Variants in SERGEF observed in about 807,000 individuals in gnomAD.
SERGEF encodes secretion-regulating guanine nucleotide exchange factor.
A neutral mutation model predicts 50.0 loss-of-function variants in SERGEF; 51 were observed. The ratio of observed to expected loss-of-function variants is 1.02; its 90% CI spans 0.81 to 1.29. The LOEUF is 1.29. Ranked by LOEUF, SERGEF falls within the 50% of genes most tolerant of loss-of-function variation. SERGEF has a pLI of 0.00. For synonymous variants in SERGEF, 205 were observed against 212.4 expected (o/e 0.97, Z 0.30); for missense variants, 521 against 557.0 (o/e 0.94, Z 0.65).
intron 9 of SERGEF, among the ~76,000 whole-genome samples, chr11:17,936,240 G>T (rs1025263863): frequency 2.6e-5 from 4 of 152,192 alleles, no homozygotes; most frequent in African/African-American, 9.6e-5. Flanking sequence ...AAAAGAATTA[G>T]AAGTGAGGAC....
chr11:17,940,715 G>A (rs1023362073), intron 9 of SERGEF, among the ~76,000 whole-genome samples: 4 of 151,868 alleles, frequency 2.6e-5, no homozygotes, highest in African/African-American at 4.8e-5. Flanking sequence ...CTGAGACCAC[G>A]GGGACACGCC....
chr11:17,939,294 T>A (rs746749396), intron 9 of SERGEF, among the ~76,000 whole-genome samples: 10 of 152,180 alleles, frequency 6.6e-5, no homozygotes, highest in Non-Finnish European at 1.3e-4. Context: ...CCTGGAAACA[T>A]AAGTTATTTG....
At chr11:17,976,639 G>T (rs542625684) in intron 8 of SERGEF, among the ~76,000 whole-genome samples, 6 of 152,088 alleles carry the variant, frequency 3.9e-5, no homozygotes, top group African/African-American at 1.4e-4. Context: ...GATAGGCAAG[G>T]TCCCCTGAGA....
At chr11:17,995,997 T>C in intron 5 of SERGEF, 88 bp from the exon 6 acceptor site, 1 of 887,164 alleles carries the variant, frequency 1.1e-6, no homozygotes, top group Non-Finnish European at 1.8e-6. Flanking sequence ...TATGAGAAAT[T>C]CCCAATTCTT....
intron 10 of SERGEF, among the ~76,000 whole-genome samples, chr11:17,857,830 C>T (rs1057433906): frequency 5.3e-5 from 8 of 152,182 alleles, no homozygotes; most frequent in Admixed American, 1.3e-4. Context: ...TTCCATTAAT[C>T]GGGATAGATT....
At chr11:17,848,876 T>C (rs1850664271) in intron 10 of SERGEF, among the ~76,000 whole-genome samples, 1 of 152,222 alleles carries the variant, frequency 6.6e-6, no homozygotes, top group South Asian at 2.1e-4. Flanking sequence ...CAGATGTTTT[T>C]ATAAATGAGG....
chr11:17,971,783 C>G (rs983222989), intron 8 of SERGEF, among the ~76,000 whole-genome samples: 1 of 152,088 alleles, frequency 6.6e-6, no homozygotes, highest in African/African-American at 2.4e-5. Context: ...GCTATAGCTG[C>G]CATAGATAGT....
chr11:17,833,052 G>T (rs143982899), intron 10 of SERGEF, among the ~76,000 whole-genome samples: 208 of 152,306 alleles, frequency 1.4e-3, no homozygotes, highest in African/African-American at 4.9e-3. Context: ...TAAGTAACGA[G>T]GAGCCAAATG....
chr11:17,839,225 C>T (rs770921130), intron 10 of SERGEF, among the ~76,000 whole-genome samples: 1 of 152,244 alleles, frequency 6.6e-6, no homozygotes, highest in South Asian at 2.1e-4. Flanking sequence ...CAGCAAGCAG[C>T]CTCTAGTTTA....
At chr11:17,962,577 C>G (rs1853029597) in intron 8 of SERGEF, among the ~76,000 whole-genome samples, 1 of 152,052 alleles carries the variant, frequency 6.6e-6, no homozygotes, top group African/African-American at 2.4e-5. Flanking sequence ...ACAGAGATGA[C>G]AAAATAGCTC....
chr11:18,004,686 T>C, intron 3 of SERGEF, 151 bp from the exon 4 acceptor site: 1 of 625,550 alleles, frequency 1.6e-6, no homozygotes, highest in Non-Finnish European at 2.9e-6. Flanking sequence ...CCTCTAGGAA[T>C]GAAAACACTG....
intron 8 of SERGEF, among the ~76,000 whole-genome samples, chr11:17,987,657 A>C (rs752097901): frequency 2.6e-5 from 4 of 152,244 alleles, no homozygotes; most frequent in Non-Finnish European, 5.9e-5. Context: ...CATAGGTATG[A>C]CTGCTCATAA....
At chr11:17,890,853 C>A (rs1851519833) in intron 9 of SERGEF, among the ~76,000 whole-genome samples, 1 of 152,000 alleles carries the variant, frequency 6.6e-6, no homozygotes, top group African/African-American at 2.4e-5. Context: ...AAAAAGTGCT[C>A]AAAAAATGAT....
intron 9 of SERGEF, among the ~76,000 whole-genome samples, chr11:17,956,637 G>A (rs1352358917): frequency 6.6e-6 from 1 of 152,064 alleles, no homozygotes; most frequent in Admixed American, 6.5e-5. Context: ...TCTCCTGCTT[G>A]GCTATCCTTC....
intron 10 of SERGEF, among the ~76,000 whole-genome samples, chr11:17,865,687 G>T (rs1034447676): frequency 1.2e-4 from 19 of 152,012 alleles, no homozygotes; most frequent in African/African-American, 4.1e-4. Context: ...AAATATTTTT[G>T]TACTGTGTAC....
chr11:17,879,849 A>G (rs1272223283), intron 9 of SERGEF, among the ~76,000 whole-genome samples: 4 of 152,202 alleles, frequency 2.6e-5, no homozygotes, highest in Middle Eastern at 3.2e-3. Context: ...ATACAATTTT[A>G]TCTGTCAATT....
At chr11:17,883,595 G>A (rs1220377466) in intron 9 of SERGEF, among the ~76,000 whole-genome samples, 1 of 152,230 alleles carries the variant, frequency 6.6e-6, no homozygotes, top group Non-Finnish European at 1.5e-5. Context: ...TAGCGGAGGT[G>A]CAGGATTCTG....
intron 10 of SERGEF, among the ~76,000 whole-genome samples, chr11:17,830,764 C>T (rs1850294021): frequency 6.6e-6 from 1 of 151,548 alleles, no homozygotes; most frequent in Non-Finnish European, 1.5e-5. Context: ...TAAGGGCAGA[C>T]CTAAACACCT....
At chr11:17,844,937 G>A (rs1282530181) in intron 10 of SERGEF, among the ~76,000 whole-genome samples, 1 of 148,868 alleles carries the variant, frequency 6.7e-6, no homozygotes, top group Non-Finnish European at 1.5e-5. Flanking sequence ...AAAAAAAACA[G>A]AACAAAAAAC....
Sources: allele counts gnomAD v4.1 joint callset (sites outside exome capture counted in the v4.1 genomes callset), GRCh38; gene constraint gnomAD v4.1.1; transcripts MANE v1.5; gene names NCBI Gene and HGNC (gene_info 2026-07-23, HGNC 2026-07-21).